PDZRN4: variants seen among roughly 807,000 people sequenced by gnomAD.
The protein encoded by PDZRN4 is PDZ domain-containing RING finger protein 4.
A neutral mutation model predicts 99.0 loss-of-function variants in PDZRN4; 70 were observed. The ratio of observed to expected loss-of-function variants is 0.71; its 90% CI spans 0.58 to 0.86. PDZRN4 has a LOEUF of 0.86. PDZRN4 is among the 40% of genes least tolerant of loss of function. PDZRN4 has a pLI of 0.00. For missense variants in PDZRN4, 1,474 were observed against 1,331.2 expected (o/e 1.11, Z -1.67); for synonymous variants, 551 against 501.6 (o/e 1.10, Z -1.32).
intron 3 of PDZRN4, chr12:41,477,836 T>G: frequency 7.0e-7 from 1 of 1,419,810 alleles, no homozygotes; most frequent in Non-Finnish European, 9.6e-7. Context: ...ATGAAATGCT[T>G]ATCTTTGGAT....
chr12:41,386,746 A>G (rs1433919019), intron 3 of PDZRN4, among the ~76,000 whole-genome samples: 1 of 152,232 alleles, frequency 6.6e-6, no homozygotes, highest in Admixed American at 6.5e-5. Context: ...TACAGTAACC[A>G]AAACAGGGTG....
At chr12:41,500,221 A>G (rs1347901749) in intron 3 of PDZRN4, among the ~76,000 whole-genome samples, 3 of 151,926 alleles carry the variant, frequency 2.0e-5, no homozygotes, top group African/African-American at 7.2e-5. Flanking sequence ...TGGGTTAGAT[A>G]TCACTTATTT....
Position 41,188,896 on chromosome 12 carries a change from G to A in PDZRN4, c.441G>A (p.Gly147=), listed in dbSNP as rs2120621800. Residue 147 remains glycine, a synonymous_variant, in exon 1 of 10, where the codon GGG becomes GGA. Coordinates refer to ENST00000402685, the MANE Select transcript of PDZRN4 (RefSeq NM_001164595.2). ...PRAGRGGGAR[G]GPPGGRWGRG... The stretch of plus-strand genomic sequence containing the variant: ...CTGGCCGGGGCGGGGGCGCGCGCGG[G>A]GGGCCGCCGGGCGGCCGCTGGGGCC... 9.1e-6 allele frequency: 10 copies of A among 1,093,568 alleles called. No homozygotes were observed. The South Asian group carries it at 2.2e-4, about 24-fold the overall frequency. The allele number at this position is 1,093,568 out of a possible 1,614,324, so 67.7% of individuals were successfully genotyped here. A position where few individuals can be genotyped will look rare whatever the true frequency, so the allele number is the denominator to read the frequency against.
At chr12:41,402,169 C>T (rs9668300) in intron 3 of PDZRN4, among the ~76,000 whole-genome samples, 1 of 100,908 alleles carries the variant, frequency 9.9e-6, no homozygotes, top group African/African-American at 4.7e-5. Flanking sequence ...TATATATATA[C>T]ACACTGAGTA....
At chr12:41,444,370 A>G (rs745477421) in intron 3 of PDZRN4, among the ~76,000 whole-genome samples, 3 of 152,088 alleles carry the variant, frequency 2.0e-5, no homozygotes, top group Non-Finnish European at 2.9e-5. Context: ...CTGAAAGGCA[A>G]TTTGAGCTTA....
chr12:41,311,244 A>G (rs1951604689), intron 3 of PDZRN4, among the ~76,000 whole-genome samples: 1 of 150,682 alleles, frequency 6.6e-6, no homozygotes, highest in Admixed American at 6.7e-5. Context: ...TATGTTAGGT[A>G]TGATGTCTAT....
At chr12:41,530,884 G>C (rs1938648622) in intron 5 of PDZRN4, among the ~76,000 whole-genome samples, 1 of 152,086 alleles carries the variant, frequency 6.6e-6, no homozygotes, top group East Asian at 1.9e-4. Context: ...TTCTGGCAGA[G>C]AGTGCAATGG....
chr12:41,444,682 A>G (rs1205797517), intron 3 of PDZRN4, among the ~76,000 whole-genome samples: 1 of 152,120 alleles, frequency 6.6e-6, no homozygotes, highest in Non-Finnish European at 1.5e-5. Context: ...TCACTGGACT[A>G]AAGCTTTTCC....
Position 41,189,132 on chromosome 12 carries a change from C to T in PDZRN4, c.648+29C>T, listed in dbSNP as rs191745893. ...AGCAAAGGGGGGTGGGCACCGCGGG[C>T]ATGGTCGATTGGGGTGGGAAAAGGA... On this transcript the variant is annotated intron_variant, in intron 1 of 9. Transcript: ENST00000402685. The T allele has an allele frequency of 1.1e-3, 1,779 of 1,564,916 alleles. 10 individuals carry two copies. The African/African-American group carries it at 0.022, about 19-fold the overall frequency.
rs761778637 is a variant in PDZRN4, at chr12:41,506,517, C to G, written c.905C>G (p.Ala302Gly). Reference sequence around the variant, plus strand: ...GAGGCAGTGGAAGCTTTTCGCAATGCCAAGGAGCCCATTGTGGTGCAGGTG... The same window carrying G: ...GAGGCAGTGGAAGCTTTTCGCAATGGCAAGGAGCCCATTGTGGTGCAGGTG... ...HEEAVEAFRN[A>G]KEPIVVQVLR... The change falls in exon 4 of 10, where the codon GCC becomes GGC. Residue 302 changes from alanine to glycine, a missense_variant. Physicochemically the swap from Ala to Gly is moderately conservative, Grantham distance 60 (BLOSUM62 0). Transcript: ENST00000402685. The G allele has an allele frequency of 6.2e-7, 1 of 1,613,702 alleles. No individual in the cohort carries two copies. Among genetic ancestry groups the G allele is most frequent in the Non-Finnish European group, 8.5e-7 (1 of 1,179,770 alleles).
chr12:41,286,768 G>C (rs1300079469), intron 3 of PDZRN4, among the ~76,000 whole-genome samples: 1 of 152,124 alleles, frequency 6.6e-6, no homozygotes, highest in East Asian at 1.9e-4. Context: ...CATAGCAGCA[G>C]CTTAGGATTT....
At chr12:41,398,799 C>G (rs1480589139) in intron 3 of PDZRN4, among the ~76,000 whole-genome samples, 1 of 152,050 alleles carries the variant, frequency 6.6e-6, no homozygotes, top group Non-Finnish European at 1.5e-5. Context: ...AGTTTTTATT[C>G]CAGAAATTAC....
At chr12:41,318,153 G>A (rs892717349) in intron 3 of PDZRN4, among the ~76,000 whole-genome samples, 18 of 152,112 alleles carry the variant, frequency 1.2e-4, no homozygotes, top group Non-Finnish European at 1.5e-5. Context: ...TTGTTGTTTA[G>A]ATCGTTTATT....
At chr12:41,558,513 T>C (rs1314460695) in intron 7 of PDZRN4, among the ~76,000 whole-genome samples, 1 of 152,206 alleles carries the variant, frequency 6.6e-6, no homozygotes, top group Non-Finnish European at 1.5e-5. Context: ...CATTCATTTG[T>C]TCTGTGGGTA....
chr12:41,481,537 C>T (rs1415984766), intron 3 of PDZRN4, among the ~76,000 whole-genome samples: 1 of 152,092 alleles, frequency 6.6e-6, no homozygotes, highest in Non-Finnish European at 1.5e-5. Context: ...CAAAAGTCTT[C>T]CTTTTTGTAT....
At chr12:41,350,569 A>G (rs1388636352) in intron 3 of PDZRN4, among the ~76,000 whole-genome samples, 1 of 152,168 alleles carries the variant, frequency 6.6e-6, no homozygotes, top group Non-Finnish European at 1.5e-5. Context: ...GAACAAATAG[A>G]AACGCATTCT....
At chr12:41,335,996 AG>A (rs1327487893) in intron 3 of PDZRN4, among the ~76,000 whole-genome samples, 1 of 152,122 alleles carries the variant, frequency 6.6e-6, no homozygotes, top group African/African-American at 2.4e-5. Context: ...CATATAAAAA[AG>A]TTTTCTTTTA....
intron 3 of PDZRN4, among the ~76,000 whole-genome samples, chr12:41,342,444 C>A (rs1951825323): frequency 1.3e-5 from 2 of 151,674 alleles, no homozygotes; most frequent in East Asian, 1.9e-4. Flanking sequence ...CTATAGCAAA[C>A]TATACGTCTG....
chr12:41,544,165 A>G (rs1230013124), intron 5 of PDZRN4, among the ~76,000 whole-genome samples: 1 of 152,234 alleles, frequency 6.6e-6, no homozygotes, highest in African/African-American at 2.4e-5. Flanking sequence ...TGCTAGGAAA[A>G]TGTCCAGTGA....
Sources: allele counts gnomAD v4.1 joint callset (sites outside exome capture counted in the v4.1 genomes callset), GRCh38; gene constraint gnomAD v4.1.1; transcripts MANE v1.5; gene names NCBI Gene and HGNC (gene_info 2026-07-23, HGNC 2026-07-21).